AGL: variants seen among roughly 807,000 people sequenced by gnomAD.
The protein encoded by AGL is amylo-alpha-1,6-glucosidase and 4-alpha-glucanotransferase.
AGL carries 128 observed loss-of-function variants against 199.3 expected under a neutral mutation model. The ratio of observed to expected loss-of-function variants is 0.64; its 90% CI spans 0.56 to 0.74. AGL has a LOEUF of 0.74. Ranked by LOEUF, AGL falls within the 30% of genes least tolerant of loss-of-function variation. The pLI is 0.00. For missense variants in AGL, 1,809 were observed against 1,820.8 expected, an observed-to-expected ratio of 0.99 and a Z score of 0.12; for synonymous variants, 584 against 594.7, an observed-to-expected ratio of 0.98 and a Z score of 0.26.
At chr1:99,913,975 A>G (rs1341575612) in intron 30 of AGL, among the ~76,000 whole-genome samples, 5 of 152,168 alleles carry the variant, frequency 3.3e-5, no homozygotes, top group Non-Finnish European at 5.9e-5. Flanking sequence ...TGCTTCCTAG[A>G]GTTTTTCACA....
At chr1:99,913,357 T>C (rs1654888723) in intron 29 of AGL, among the ~76,000 whole-genome samples, 170 bp from the exon 30 acceptor site, 1 of 152,224 alleles carries the variant, frequency 6.6e-6, no homozygotes, top group Non-Finnish European at 1.5e-5. Context: ...ATCCAGCTTA[T>C]ATTTTACATT....
intron 27 of AGL, among the ~76,000 whole-genome samples, chr1:99,907,515 T>C (rs1303140916): frequency 6.6e-6 from 1 of 152,168 alleles, no homozygotes. Context: ...GTTGACCTTT[T>C]TGAGTAACTA....
intron 33 of AGL, among the ~76,000 whole-genome samples, chr1:99,917,078 A>G (rs544819409): frequency 1.6e-4 from 24 of 152,326 alleles, no homozygotes; most frequent in Middle Eastern, 3.4e-3. Flanking sequence ...TGATTTAAAG[A>G]TATATCAAGA....
Position 99,896,372 on chromosome 1 carries a change from C to G in AGL, c.3346C>G (p.Arg1116Gly), listed in dbSNP as rs773625464. 3 of 1,613,454 alleles carry G rather than the reference C, an allele frequency of 1.9e-6. No individual in the cohort carries two copies. In the East Asian group the frequency reaches 6.7e-5, roughly 36 times the overall value. ...TAGAGGTATACTGCTGATTACTGGA[C>G]GCTATGTAGAAGCCAGGTAGGAGAG... ...ALRGILLITG[R>G]YVEARNIILA... Residue 1116 changes from arginine to glycine, a missense_variant, in exon 25 of 34, where the codon CGC (arginine) becomes GGC (glycine). By Grantham distance (125) the Arg-to-Gly change is moderately radical (BLOSUM62 -2). Transcript: ENST00000361915.
intron 25 of AGL, among the ~76,000 whole-genome samples, 155 bp downstream of exon 25, chr1:99,896,543 G>A (rs1653340085): frequency 6.6e-6 from 1 of 152,054 alleles, no homozygotes; most frequent in Non-Finnish European, 1.5e-5. Context: ...TCACTTAATA[G>A]GATCATAAAA....
In AGL at chr1:99,923,048, AT is replaced by A. The variant is rs1048811999; in HGVS notation, c.*1399del. ...GAAAGCTCGTGTAATTTACTTTAAGATTATCTGCCTGCTCTTCTTCAAAGCT... is the reference window on the plus strand; with the variant it reads ...GAAAGCTCGTGTAATTTACTTTAAGATATCTGCCTGCTCTTCTTCAAAGCT... On this transcript the variant is annotated 3_prime_UTR_variant, in exon 34 of 34. Transcript: ENST00000361915. 6.6e-6 allele frequency: 1 copy of A among 152,136 alleles called. No homozygotes were observed. The highest frequency in any genetic ancestry group is 2.4e-5 in the African/African-American group (1 of 41,448). 9.4% of individuals were successfully genotyped at this position (152,136 alleles called of 1,614,324 possible).
intron 22 of AGL, 48 bp from the exon 23 acceptor site, chr1:99,891,556 CCT>C (rs779004723): frequency 1.9e-5 from 30 of 1,603,922 alleles, no homozygotes; most frequent in Non-Finnish European, 2.6e-5. Flanking sequence ...TAAAAACACA[CCT>C]AGTCTGTACA....
chr1:99,875,834 T>A (rs1261185231), intron 10 of AGL, among the ~76,000 whole-genome samples: 1 of 109,474 alleles, frequency 9.1e-6, no homozygotes, highest in African/African-American at 3.0e-5. Context: ...GAGTCTTTTT[T>A]AAAAATATCT....
At chr1:99,873,823 C>T (rs754453340) in intron 7 of AGL, among the ~76,000 whole-genome samples, 14 of 152,248 alleles carry the variant, frequency 9.2e-5, no homozygotes, top group East Asian at 5.8e-4. Context: ...GTGAGGCTAA[C>T]GTGAATAACC....
Position 99,900,834 on chromosome 1 carries a change from T to C in AGL, c.3561T>C (p.Asp1187=). The C allele has an allele frequency of 6.2e-7, 1 of 1,613,532 alleles. No homozygotes were observed. Among genetic ancestry groups the C allele is most frequent in the Non-Finnish European group, 8.5e-7 (1 of 1,179,506 alleles). Residue 1187 remains aspartate (D), a synonymous_variant, in exon 26 of 34, where the codon GAT becomes GAC. Coordinates refer to ENST00000361915, the MANE Select transcript of AGL (RefSeq NM_000642.3). ...TTTCCAGAATGTATCCTACAGATGA[T>C]TCTGCTCCTTTGCCTGCTGGCACAC... The part of the protein sequence containing the change: ...CPVSRMYPTD[D]SAPLPAGTLD...
chr1:99,900,821 A>G lies in AGL; in HGVS notation c.3548A>G (p.Tyr1183Cys), dbSNP rs775270593. 72 of 1,613,506 alleles carry G rather than the reference A, an allele frequency of 4.5e-5. No homozygotes were observed. Among genetic ancestry groups the G allele is most frequent in the Non-Finnish European group, 5.9e-5 (70 of 1,179,664 alleles). The change falls in exon 26 of 34, where the codon TAT becomes TGT. Residue 1183 changes from tyrosine to cysteine, a missense_variant. Transcript: ENST00000361915. ...CTCAAGTGCCCAGTTTCCAGAATGT[A>G]TCCTACAGATGATTCTGCTCCTTTG... ...DILKCPVSRMYPTDDSAPLPA... is the reference protein window; with the variant it reads ...DILKCPVSRMCPTDDSAPLPA...
chr1:99,880,784 T>G lies in AGL; in HGVS notation c.1888T>G (p.Cys630Gly). 6.2e-7 allele frequency: 1 copy of G among 1,613,950 alleles called. No individual in the cohort carries two copies. Among genetic ancestry groups the G allele is most frequent in the Non-Finnish European group, 8.5e-7 (1 of 1,179,898 alleles). ...LFMDITHDNE[C>G]PIVHRSAYDA... ...TATGGATATTACGCATGATAATGAG[T>G]GTCCTATTGTGGTAAGCACCTAATC... Residue 630 changes from cysteine to glycine, a missense_variant, in exon 14 of 34, where the codon TGT becomes GGT. Coordinates refer to ENST00000361915, the MANE Select transcript of AGL (RefSeq NM_000642.3).
chr1:99,859,201 G>T (rs770649528), intron 2 of AGL, among the ~76,000 whole-genome samples: 4 of 152,102 alleles, frequency 2.6e-5, no homozygotes, highest in Non-Finnish European at 4.4e-5. Flanking sequence ...AGATGTAAAT[G>T]TTTATGCTTC....
At chr1:99,902,936 GT>G in intron 27 of AGL, 142 bp downstream of exon 27, 1 of 650,812 alleles carries the variant, frequency 1.5e-6, no homozygotes, top group Non-Finnish European at 2.6e-6. Flanking sequence ...ATCTCACCAA[GT>G]TTTTAGTTTC....
Position 99,910,716 on chromosome 1 carries a change from T to C in AGL, c.3705T>C (p.Phe1235=), listed in dbSNP as rs765902680. The change falls in exon 28 of 34, where the codon TTT becomes TTC. Residue 1235 remains phenylalanine (F), a synonymous_variant. Coordinates refer to ENST00000361915, the MANE Select transcript of AGL (RefSeq NM_000642.3). ...TATACACATTTTGTTTTTTAGGTTT[T>C]AATATAACTGCAGGAGTTGATGAAG... The part of the protein sequence containing the change: ...QIDRNMKDEG[F]NITAGVDEET... 6.3e-6 allele frequency: 10 copies of C among 1,595,616 alleles called. No individual in the cohort carries two copies. Among genetic ancestry groups the C allele is most frequent in the Non-Finnish European group, 7.7e-6 (9 of 1,166,050 alleles).
intron 25 of AGL, among the ~76,000 whole-genome samples, chr1:99,897,819 G>GTGCCTAGAGTAATATCTGCCACA (rs530197769): frequency 1.8e-4 from 28 of 152,216 alleles, no homozygotes; most frequent in South Asian, 8.3e-4. Context: ...TACAGTTAAG[G>GTGCCTAGAGTAATATCTGCCACA]TGCCTAGAGT....
chr1:99,850,948 A>G (rs991460303), intron 1 of AGL, 27 bp from the exon 2 acceptor site: 7 of 1,041,520 alleles, frequency 6.7e-6, no homozygotes, highest in Non-Finnish European at 9.1e-6. Context: ...GTTATTTTCG[A>G]TATTTTAACT....
intron 2 of AGL, among the ~76,000 whole-genome samples, chr1:99,857,013 C>T (rs185018938): frequency 5.2e-4 from 78 of 151,236 alleles, no homozygotes; most frequent in African/African-American, 1.7e-3. Flanking sequence ...CCAGTAGGGG[C>T]GGCCAGGCAG....
chr1:99,862,588 G>A (rs769063447), intron 4 of AGL, among the ~76,000 whole-genome samples, 165 bp downstream of exon 4: 2 of 152,134 alleles, frequency 1.3e-5, no homozygotes, highest in African/African-American at 2.4e-5. Flanking sequence ...TCACAGTTCC[G>A]CAGGCTATAC....
Sources: allele counts gnomAD v4.1 joint callset (sites outside exome capture counted in the v4.1 genomes callset), GRCh38; gene constraint gnomAD v4.1.1; transcripts MANE v1.5; gene names NCBI Gene and HGNC (gene_info 2026-07-23, HGNC 2026-07-21).